ADAM11: variants seen among roughly 807,000 people sequenced by gnomAD.
ADAM11 encodes ADAM metallopeptidase domain 11.
ADAM11 carries 49 observed loss-of-function variants against 119.1 expected under a neutral mutation model. That is an observed-to-expected ratio of 0.41 (90% CI 0.33 to 0.52). The LOEUF (loss-of-function observed/expected upper bound fraction) is 0.52. Among genes scored for constraint, ADAM11 ranks in the 20% least tolerant of loss-of-function variants. The probability of loss-of-function intolerance (pLI) is 0.20; values close to 1 mark genes in which losing one functional copy is unlikely to be tolerated. For synonymous variants in ADAM11, 364 were observed against 408.0 expected, an observed-to-expected ratio of 0.89 and a Z score of 1.30; for missense variants, 777 against 1,047.5, an observed-to-expected ratio of 0.74 and a Z score of 3.56.
At chr17:44,760,215 C>T (rs1354191862) in intron 2 of ADAM11, among the ~76,000 whole-genome samples, 2 of 152,226 alleles carry the variant, frequency 1.3e-5, no homozygotes, top group African/African-American at 4.8e-5. Context: ...TTGTTCTGTT[C>T]AAAACAGGGC....
chr17:44,765,610 C>CTTTTTTTTTTTTTTTTTTTTTTTTTTT (rs748123040), intron 2 of ADAM11, among the ~76,000 whole-genome samples: 4 of 99,874 alleles, frequency 4.0e-5, no homozygotes, highest in Non-Finnish European at 5.4e-5. Context: ...TTTCTTTTCT[C>CTTTTTTTTTTTTTTTTTTTTTTTTTTT]TTTTTTTTTT....
chr17:44,771,719 C>T (rs771883578), intron 5 of ADAM11, 37 bp from the exon 6 acceptor site: 70 of 1,613,502 alleles, frequency 4.3e-5, no homozygotes, highest in Admixed American at 2.0e-4. Context: ...TGGCCCAGGC[C>T]TGGGGACGGA....
At chr17:44,765,610 CTTTTTTTT>C (rs748123040) in intron 2 of ADAM11, among the ~76,000 whole-genome samples, 9 of 99,876 alleles carry the variant, frequency 9.0e-5, no homozygotes, top group Non-Finnish European at 1.3e-4. Flanking sequence ...TTTCTTTTCT[CTTTTTTTT>C]TTTTTTTTTT....
rs752030645 is a variant in ADAM11, at chr17:44,776,167, A to T, written c.1526A>T (p.Glu509Val). 3 of 1,613,514 alleles carry T rather than the reference A, an allele frequency of 1.9e-6. No homozygotes were observed. The Admixed American group carries it at 5.0e-5, about 27-fold the overall frequency. Residue 509 changes from glutamate (E) to valine (V), a missense_variant, in exon 18 of 27, where the codon GAG (glutamate) becomes GTG (valine). By Grantham distance (121) the Glu-to-Val change is moderately radical (BLOSUM62 -2). This residue lies in a region of ADAM11 where 348 missense variants were observed against 486.7 expected (regional missense o/e 0.72). Coordinates refer to ENST00000200557, the MANE Select transcript of ADAM11 (RefSeq NM_002390.6). The surrounding 1 kb of genome is among the most constrained non-coding windows in gnomAD (Gnocchi z 5.2). ...RGVSCREAVNECDIAETCTGD... is the reference protein window; with the variant it reads ...RGVSCREAVNVCDIAETCTGD... ...GTGTCCTGCCGAGAGGCCGTGAACGAGTGCGACATCGCGGAGACCTGCACC... is the reference window on the plus strand; with the variant it reads ...GTGTCCTGCCGAGAGGCCGTGAACGTGTGCGACATCGCGGAGACCTGCACC...
rs1567690350 is a variant in ADAM11 at position 44,769,993 on chromosome 17, C to G, written c.326C>G (p.Ser109Cys). The change falls in exon 4 of 27, where the codon TCC (serine) becomes TGC (cysteine). Residue 109 changes from serine to cysteine, a missense_variant. Transcript: ENST00000200557. The part of the protein sequence containing the change: ...LDLELNHHLL[S>C]SQYVERHFSR... ...CCCCTCTGTCTCAGCCACCTCCTCT[C>G]CTCGCAATACGTGGAGCGCCACTTC... 6.2e-7 allele frequency: 1 copy of G among 1,614,158 alleles called. No individual in the cohort carries two copies. The highest frequency in any genetic ancestry group is 2.2e-5 in the East Asian group (1 of 44,890).
In ADAM11 at chr17:44,777,846, A is replaced by G. The variant is rs1253404065; in HGVS notation, c.2053A>G (p.Ile685Val). ...CTGCCCCGGCAGTGGGGAGCGCCGG[A>G]TTTGCTCCCACCACGGGGTGACTGC... ...STCPGSGERR[I>V]CSHHGVCSNE... The change falls in exon 23 of 27, where the codon ATT (isoleucine) becomes GTT (valine). Residue 685 changes from isoleucine (I) to valine (V), a missense_variant. Physicochemically the swap from Ile to Val is conservative, Grantham distance 29. Around this residue, in one of 4 missense-constraint regions of ADAM11, gnomAD observed 348 missense variants for 486.7 expected, o/e 0.72. Coordinates refer to ENST00000200557, the MANE Select transcript of ADAM11 (RefSeq NM_002390.6). This position sits in a 1 kb window ranked among gnomAD's most constrained non-coding sequence, Gnocchi z 5.1. The G allele has an allele frequency of 1.2e-6, 2 of 1,613,564 alleles. No individual in the cohort carries two copies. The highest frequency in any genetic ancestry group is 1.7e-6 in the Non-Finnish European group (2 of 1,179,962).
At position 44,777,909 on chromosome 17, in the gene ADAM11, G is replaced by C. The variant is rs750592243; in HGVS notation, c.2071-43G>C. 1.9e-6 allele frequency: 3 copies of C among 1,613,742 alleles called. No individual in the cohort carries two copies. The South Asian group carries it at 3.3e-5, about 18-fold the overall frequency. On this transcript the variant is annotated intron_variant, in intron 23 of 26. Coordinates refer to ENST00000200557, the MANE Select transcript of ADAM11 (RefSeq NM_002390.6). The surrounding 1 kb of genome is among the most constrained non-coding windows in gnomAD (Gnocchi z 5.1). ...ATGGCGGGAGAAGCTTACAAGAGGG[G>C]ACAGGCCCCTGCTCACCTCTCCTGG...
chr17:44,770,677 G>A (rs1223141355), intron 4 of ADAM11, among the ~76,000 whole-genome samples: 2 of 152,216 alleles, frequency 1.3e-5, no homozygotes, highest in Admixed American at 6.5e-5. Context: ...GGCAGTGCAT[G>A]AGGTTGTGTG....
At chr17:44,770,474 A>G (rs2049507718) in intron 4 of ADAM11, among the ~76,000 whole-genome samples, 1 of 127,390 alleles carries the variant, frequency 7.8e-6, no homozygotes, top group East Asian at 2.5e-4. Flanking sequence ...ATGAGTGTCT[A>G]TAAATAGCCT....
Position 44,777,354 on chromosome 17 carries a change from G to T in ADAM11, c.1781+89G>T. The T allele has an allele frequency of 6.5e-7, 1 of 1,532,236 alleles. No individual in the cohort carries two copies. The allele number at this position is 1,532,236 out of a possible 1,614,324, so 94.9% of individuals were successfully genotyped here. On this transcript the variant is annotated intron_variant, in intron 21 of 26. Transcript: ENST00000200557. The surrounding 1 kb of genome is among the most constrained non-coding windows in gnomAD (Gnocchi z 5.1). ...GGGGCAGCAGGTTCTCCCAGGAGGAGCCTGTCAGTCCCAATGGGCGGGCAC... is the reference window on the plus strand; with the variant it reads ...GGGGCAGCAGGTTCTCCCAGGAGGATCCTGTCAGTCCCAATGGGCGGGCAC...
At position 44,778,018 on chromosome 17, in the gene ADAM11, A is replaced by G; in HGVS notation, c.2137A>G (p.Asn713Asp). ...GACAGGCAAAGACTGCAGTATCCAT[A>G]ACCCCCTGCCCACGTCCCCACCCAC... ...DWTGKDCSIHNPLPTSPPTGE... is the reference protein window; with the variant it reads ...DWTGKDCSIHDPLPTSPPTGE... Residue 713 changes from asparagine (N) to aspartate (D), a missense_variant, in exon 24 of 27, where the codon AAC becomes GAC. Asn to Asp is a conservative substitution (Grantham distance 23). Coordinates refer to ENST00000200557, the MANE Select transcript of ADAM11 (RefSeq NM_002390.6). 6.2e-7 allele frequency: 1 copy of G among 1,613,984 alleles called. No individual in the cohort carries two copies. The highest frequency in any genetic ancestry group is 8.5e-7 in the Non-Finnish European group (1 of 1,180,002).
chr17:44,766,702 C>T (rs376312066), intron 2 of ADAM11, among the ~76,000 whole-genome samples: 94 of 151,660 alleles, frequency 6.2e-4, no homozygotes, highest in African/African-American at 2.1e-3. Context: ...AGCCTGGGCA[C>T]GTTGAGATCA....
intron 1 of ADAM11, 95 bp downstream of exon 1, chr17:44,759,355 C>T: frequency 7.8e-7 from 1 of 1,279,988 alleles, no homozygotes. Context: ...CTGCAGTGCT[C>T]GGGGTGACAG....
rs200916959 is a variant in ADAM11, at chr17:44,778,222, C to T, written c.2256C>T (p.Gly752=). The T allele has an allele frequency of 4.0e-5, 64 of 1,613,266 alleles. No individual in the cohort carries two copies. The African/African-American group carries it at 4.4e-4, about 11-fold the overall frequency. Residue 752 remains glycine, a synonymous_variant, in exon 25 of 27, where the codon GGC becomes GGT. Transcript: ENST00000200557. The part of the protein sequence containing the change: ...GAVLVAAIVL[G]GTGWGFKNIR... ...TCCTGGTTGCAGCCATCGTCCTGGG[C>T]GGCACGGGCTGGGGATTTAAGTAAG...
intron 1 of ADAM11, 65 bp from the exon 2 acceptor site, chr17:44,759,656 AC>A: frequency 7.6e-7 from 1 of 1,308,946 alleles, no homozygotes. Flanking sequence ...AGGCATGCCC[AC>A]CCCATTCCCA....
At chr17:44,770,673 G>A (rs952533865) in intron 4 of ADAM11, among the ~76,000 whole-genome samples, 1 of 152,192 alleles carries the variant, frequency 6.6e-6, no homozygotes, top group African/African-American at 2.4e-5. Flanking sequence ...GGGAGGCAGT[G>A]CATGAGGTTG....
At chr17:44,761,920 T>C (rs1299070914) in intron 2 of ADAM11, among the ~76,000 whole-genome samples, 2 of 152,164 alleles carry the variant, frequency 1.3e-5, no homozygotes, top group Non-Finnish European at 2.9e-5. Flanking sequence ...CCTCCCGGGT[T>C]CAAGCAATTC....
At chr17:44,760,890 G>A (rs1039880755) in intron 2 of ADAM11, among the ~76,000 whole-genome samples, 4 of 152,118 alleles carry the variant, frequency 2.6e-5, no homozygotes, top group African/African-American at 4.8e-5. Context: ...AGGGGGATGC[G>A]GGGTGGTGCA....
chr17:44,770,066 G>A lies in ADAM11; in HGVS notation c.381+18G>A. 2 of 1,613,550 alleles carry A rather than the reference G, an allele frequency of 1.2e-6. No homozygotes were observed. Among genetic ancestry groups the A allele is most frequent in the Non-Finnish European group, 1.7e-6 (2 of 1,179,760 alleles). ...ACAGCACCGTGAGTGCCACTGCAGG[G>A]GACCGGGGCCGGGGATGGAAGGGAG... is the stretch of plus-strand genomic sequence containing the variant. On this transcript the variant is annotated intron_variant, in intron 4 of 26. Transcript: ENST00000200557.
Sources: allele counts gnomAD v4.1 joint callset (sites outside exome capture counted in the v4.1 genomes callset), GRCh38; gene constraint gnomAD v4.1.1; regional missense constraint gnomAD v4.1.1; non-coding constraint Gnocchi (gnomAD v3.1); transcripts MANE v1.5; gene names NCBI Gene and HGNC (gene_info 2026-07-23, HGNC 2026-07-21).